The following SECISBP2 variants were observed in gnomAD, a reference collection of about 807,000 sequenced individuals.
The protein encoded by SECISBP2 is SECIS binding protein 2.
In SECISBP2, 96 loss-of-function variants were observed where a neutral mutation model predicts 98.2. The ratio of observed to expected loss-of-function variants is 0.98; its 90% confidence interval spans 0.83 to 1.16. SECISBP2 has a LOEUF of 1.16. SECISBP2 is among the 50% of genes most tolerant of loss of function. The pLI is 0.00. For missense variants in SECISBP2, 1,046 were observed against 1,022.9 expected (o/e 1.02, Z -0.31); for synonymous variants, 407 against 370.2 (o/e 1.10, Z -1.14).
At chr9:89,335,416 T>C (rs1828496598) in intron 7 of SECISBP2, among the ~76,000 whole-genome samples, 2 of 149,542 alleles carry the variant, frequency 1.3e-5, no homozygotes, top group South Asian at 4.5e-4. Flanking sequence ...CACTGCAAGC[T>C]CCGCCTCTCA....
intron 5 of SECISBP2, 89 bp from the exon 6 acceptor site, chr9:89,332,819 G>T: frequency 9.7e-7 from 1 of 1,031,052 alleles, no homozygotes; most frequent in Non-Finnish European, 1.5e-6. Context: ...GATTTCTGTT[G>T]TCAAAGTGTT....
the SECISBP2 span, chr9:89,365,726 G>A: frequency 6.6e-5 from 10 of 152,354 alleles, no homozygotes; most frequent in African/African-American, 2.4e-4. Context: ...TAGGGGCAGA[G>A]GTGCATCCAG....
intron 12 of SECISBP2, among the ~76,000 whole-genome samples, chr9:89,349,566 C>T (rs1830943469): frequency 6.6e-6 from 1 of 152,244 alleles, no homozygotes; most frequent in African/African-American, 2.4e-5. Flanking sequence ...GGCACACCTC[C>T]AGGCATGACT....
intron 7 of SECISBP2, 40 bp downstream of exon 7, chr9:89,334,770 C>G (rs1372152630): frequency 2.1e-6 from 3 of 1,458,142 alleles, no homozygotes; most frequent in Non-Finnish European, 2.9e-6. Context: ...TGGTGGTTGC[C>G]AGGGGCTCAG....
At chr9:89,337,515 AG>A (rs1482373152) in intron 7 of SECISBP2, among the ~76,000 whole-genome samples, 3 of 152,172 alleles carry the variant, frequency 2.0e-5, no homozygotes, top group Admixed American at 2.0e-4. Flanking sequence ...GAACAAAGAG[AG>A]AGGGGTTTCT....
At chr9:89,321,699 T>A (rs1358349446) in intron 2 of SECISBP2, among the ~76,000 whole-genome samples, 1 of 152,218 alleles carries the variant, frequency 6.6e-6, no homozygotes, top group Non-Finnish European at 1.5e-5. Context: ...AACTCTTCTT[T>A]TTTAGCTTTG....
downstream of SECISBP2, chr9:89,363,728 G>A: frequency 6.2e-7 from 1 of 1,609,734 alleles, no homozygotes; most frequent in South Asian, 1.1e-5. Flanking sequence ...CAGTGGGCAT[G>A]GGAATCACTT....
chr9:89,325,087 G>A (rs1382911217), intron 2 of SECISBP2: 4 of 340,140 alleles, frequency 1.2e-5, no homozygotes, highest in African/African-American at 8.7e-5. Flanking sequence ...CCGCAGCAGA[G>A]AGAATGGTCT....
chr9:89,355,197 A>C, intron 14 of SECISBP2: 1 of 985,428 alleles, frequency 1.0e-6, no homozygotes, highest in Non-Finnish European at 1.2e-6. Flanking sequence ...ATCGATATGT[A>C]AGTAGATTCC....
chr9:89,352,336 C>G (rs947179876), intron 14 of SECISBP2, among the ~76,000 whole-genome samples: 2 of 152,166 alleles, frequency 1.3e-5, no homozygotes, highest in African/African-American at 4.8e-5. Context: ...TGGCTCCCAC[C>G]CTGCTCTCAA....
At chr9:89,337,428 A>C (rs1828933568) in intron 7 of SECISBP2, among the ~76,000 whole-genome samples, 1 of 152,206 alleles carries the variant, frequency 6.6e-6, no homozygotes, top group South Asian at 2.1e-4. Context: ...CATCTCTCCC[A>C]TACTTTTGAT....
Position 89,358,597 on chromosome 9 carries a change from C to T in SECISBP2, c.2462-124C>T, listed in dbSNP as rs932436637. Reference sequence around the variant, plus strand: ...AGTGAGTGAATGTCTGCCAGGGCACCTCTGAGCACCGTGAGCTGCTGGGCA... The same window carrying T: ...AGTGAGTGAATGTCTGCCAGGGCACTTCTGAGCACCGTGAGCTGCTGGGCA... On this transcript the variant is annotated intron_variant, in intron 16 of 16. Transcript: ENST00000375807. The T allele has an allele frequency of 1.2e-5, 9 of 741,878 alleles. No homozygotes were observed. The Admixed American group carries it at 1.6e-4, about 13-fold the overall frequency. 46.0% of individuals were successfully genotyped at this position (741,878 alleles called of 1,614,324 possible).
intron 3 of SECISBP2, 60 bp downstream of exon 3, chr9:89,325,736 A>G: frequency 4.3e-6 from 7 of 1,609,952 alleles, no homozygotes; most frequent in Non-Finnish European, 5.9e-6. Flanking sequence ...TTTAAAATGT[A>G]AAGAAATGGT....
chr9:89,318,571 C>A lies in SECISBP2; in HGVS notation c.-6C>A, dbSNP rs1031287961. 19 of 1,500,548 alleles carry A rather than the reference C, an allele frequency of 1.3e-5. No homozygotes were observed. In the Admixed American group the frequency reaches 4.0e-4, roughly 32 times the overall value. 93.0% of individuals were successfully genotyped at this position (1,500,548 alleles called of 1,614,324 possible). On this transcript the variant is annotated 5_prime_UTR_variant, in exon 1 of 17. Transcript: ENST00000375807. ...CCGTGACGCGGCCTCCTCCGCGCCT[C>A]GCGGCATGGCGTCGGAGGGGCCGCG... is the stretch of plus-strand genomic sequence containing the variant.
At chr9:89,319,555 T>G in intron 1 of SECISBP2, 97 bp from the exon 2 acceptor site, 1 of 1,375,516 alleles carries the variant, frequency 7.3e-7, no homozygotes. Flanking sequence ...TCGGGAACAT[T>G]TCTGGGGCTA....
At chr9:89,335,002 C>T (rs1365558378) in intron 7 of SECISBP2, among the ~76,000 whole-genome samples, 2 of 152,146 alleles carry the variant, frequency 1.3e-5, no homozygotes, top group Non-Finnish European at 2.9e-5. Flanking sequence ...ATCACGAGGT[C>T]AGGAGATGGA....
intron 11 of SECISBP2, 57 bp downstream of exon 11, chr9:89,347,105 ATAGT>A: frequency 6.5e-7 from 1 of 1,547,950 alleles, no homozygotes; most frequent in Non-Finnish European, 8.9e-7. Flanking sequence ...TCACATTTCC[ATAGT>A]TATTCTCCCA....
Position 89,325,922 on chromosome 9 carries a change from CG to C in SECISBP2, c.459del (p.Tyr154MetfsTer19), listed in dbSNP as rs769572105. ...AAGAAAACCTATGATGAGAAAAAAA[CG>C]TATGATCAGCAAAAGTTTGACAGTG... ...FKKKTYDEKK[T>X]YDQQKFDSER... On this transcript the variant is annotated frameshift_variant, in exon 4 of 17. Coordinates refer to ENST00000375807, the MANE Select transcript of SECISBP2 (RefSeq NM_024077.5). LOFTEE classifies it high-confidence loss of function. 3 of 1,613,786 alleles carry C rather than the reference CG, an allele frequency of 1.9e-6. No homozygotes were observed. The Admixed American group carries it at 5.0e-5, about 27-fold the overall frequency.
intron 13 of SECISBP2, 72 bp from the exon 14 acceptor site, chr9:89,350,560 G>T (rs1296843925): frequency 1.5e-6 from 2 of 1,330,286 alleles, no homozygotes; most frequent in African/African-American, 1.4e-5. Flanking sequence ...TCTTCTCCCT[G>T]GGGTGGGATG....
Sources: gnomAD v4.1 joint callset for allele counts (sites outside exome capture counted in the v4.1 genomes callset) on GRCh38, gnomAD v4.1.1 for gene constraint, MANE v1.5 for transcripts, NCBI Gene and HGNC (gene_info 2026-07-23, HGNC 2026-07-21) for gene names.